Variants in CUX1 observed in about 807,000 individuals in gnomAD.
CUX1 encodes protein CASP.
CUX1 carries 31 observed loss-of-function variants against 158.8 expected under a neutral mutation model. That is an observed-to-expected ratio of 0.20 (90% CI 0.15 to 0.26). The LOEUF is 0.26. Ranked by LOEUF, CUX1 falls within the 10% of genes least tolerant of loss-of-function variation. The pLI is 1.00. For missense variants in CUX1, 1,589 were observed against 2,014.6 expected, an observed-to-expected ratio of 0.79 and a Z score of 4.04; for synonymous variants, 879 against 862.1, an observed-to-expected ratio of 1.02 and a Z score of -0.34.
intron 1 of CUX1, among the ~76,000 whole-genome samples, chr7:101,836,570 A>C (rs1287795021): frequency 1.3e-5 from 2 of 149,718 alleles, no homozygotes; most frequent in East Asian, 4.0e-4. Flanking sequence ...GGCCAGGCGC[A>C]GTGGCTCATG....
intron 18 of CUX1, among the ~76,000 whole-genome samples, chr7:102,278,662 T>TAAAATAAAATAAAATAAA (rs1791803529): frequency 3.2e-5 from 3 of 93,708 alleles, no homozygotes; most frequent in African/African-American, 1.1e-4. Context: ...AATAAAAAAA[T>TAAAATAAAATAAAATAAA]AAAATAAAAT....
chr7:102,223,099 T>C (rs1023108888), intron 20 of CUX1, among the ~76,000 whole-genome samples: 8 of 151,564 alleles, frequency 5.3e-5, no homozygotes, highest in Non-Finnish European at 1.5e-5. Flanking sequence ...CCACTGCGCC[T>C]GGCCAGGGCA....
chr7:102,001,407 G>A (rs1032624918), intron 2 of CUX1, among the ~76,000 whole-genome samples: 5 of 152,094 alleles, frequency 3.3e-5, no homozygotes, highest in Non-Finnish European at 7.4e-5. Flanking sequence ...GCAGTGGTAC[G>A]ATCTCAGCTC....
At chr7:101,819,699 G>A (rs1281152902) in intron 1 of CUX1, among the ~76,000 whole-genome samples, 1 of 152,132 alleles carries the variant, frequency 6.6e-6, no homozygotes, top group African/African-American at 2.4e-5. Flanking sequence ...TAATATGGGT[G>A]TCTTTGAGGT....
At chr7:101,964,401 C>T (rs1274167525) in intron 2 of CUX1, among the ~76,000 whole-genome samples, 2 of 152,178 alleles carry the variant, frequency 1.3e-5, no homozygotes, top group African/African-American at 4.8e-5. Flanking sequence ...GCCCAGGTTT[C>T]GTCACCAAAT....
intron 2 of CUX1, among the ~76,000 whole-genome samples, chr7:101,951,662 C>T (rs920244474): frequency 6.6e-6 from 1 of 152,160 alleles, no homozygotes; most frequent in Non-Finnish European, 1.5e-5. Context: ...TCCGCCACCA[C>T]ACCCTGGCTA....
At chr7:102,259,868 G>A (rs1790260845), downstream of CUX1, among the ~76,000 whole-genome samples, 1 of 152,034 alleles carries the variant, frequency 6.6e-6, no homozygotes, top group Non-Finnish European at 1.5e-5. Context: ...GGTCAAGGCA[G>A]GAGGATGGCT....
chr7:102,281,900 C>G (rs1334023216), exon 21 of CUX1: 1 of 1,612,722 alleles, frequency 6.2e-7, no homozygotes, highest in Admixed American at 1.7e-5. Context: ...CACACTGTTC[C>G]TGCACTGCCT....
chr7:102,244,428 C>T (rs111422144), intron 23 of CUX1, among the ~76,000 whole-genome samples: 1 of 152,050 alleles, frequency 6.6e-6, no homozygotes, highest in Non-Finnish European at 1.5e-5. Context: ...CAGGCTGGGC[C>T]GGGCACGGCC....
intron 4 of CUX1, among the ~76,000 whole-genome samples, chr7:102,083,250 AT>A (rs1164793210): frequency 1.4e-5 from 2 of 146,916 alleles, no homozygotes; most frequent in South Asian, 2.2e-4. Flanking sequence ...GATGCAGAAT[AT>A]TTTTTCATGT....
At chr7:102,095,189 T>C (rs150449215) in intron 4 of CUX1, among the ~76,000 whole-genome samples, 1 of 151,938 alleles carries the variant, frequency 6.6e-6, no homozygotes, top group African/African-American at 2.4e-5. Flanking sequence ...TGTTTTTGTT[T>C]TGTAGAGACA....
At chr7:102,088,874 G>T (rs1365590142) in intron 4 of CUX1, among the ~76,000 whole-genome samples, 1 of 152,112 alleles carries the variant, frequency 6.6e-6, no homozygotes, top group Non-Finnish European at 1.5e-5. Flanking sequence ...CATGGAGTTT[G>T]TAGAGTTTCT....
Position 101,937,151 on chromosome 7 carries a change from C to T in CUX1, c.141+20926C>T, listed in dbSNP as rs111593763. ...TGTTTGCATGTCTCTGTCTCTGTCA[C>T]AAAGTAGATGCCTGGGGAGTGTGTG... On this transcript the variant is annotated intron_variant, in intron 2 of 23. Coordinates refer to ENST00000292535, the MANE Select transcript of CUX1 (RefSeq NM_181552.4). Among the ~76,000 whole-genome samples, 72 of 152,312 alleles carry T rather than the reference C, an allele frequency of 4.7e-4. No homozygotes were observed. The South Asian group carries it at 0.014, about 29-fold the overall frequency.
chr7:101,836,729 A>C (rs1232765323), intron 1 of CUX1, among the ~76,000 whole-genome samples: 1 of 142,526 alleles, frequency 7.0e-6, no homozygotes, highest in Non-Finnish European at 1.5e-5. Flanking sequence ...TTCCTTCCCC[A>C]CGGCCAGTGG....
At chr7:101,848,542 G>A (rs112237853) in intron 1 of CUX1, among the ~76,000 whole-genome samples, 1 of 152,104 alleles carries the variant, frequency 6.6e-6, no homozygotes, top group Non-Finnish European at 1.5e-5. Context: ...GAGGGGACTA[G>A]GAATGTTTGA....
rs149124693 is a variant in CUX1 at position 102,282,726 on chromosome 7, G to A, written c.1917G>A (p.Leu639=). Residue 639 remains leucine, a synonymous_variant, in exon 22 of 23, where the codon CTG becomes CTA. Coordinates refer to the CUX1 transcript ENST00000292538. ...CACCTGGCCAGGTGCTCTACAAGCT[G>A]GCATGGAGCGAGAGCATGGAGAGGG... The A allele has an allele frequency of 4.7e-5, 76 of 1,613,448 alleles. No homozygotes were observed. The highest frequency in any genetic ancestry group is 5.8e-5 in the Non-Finnish European group (69 of 1,179,800).
In CUX1 at chr7:102,257,379, G is replaced by A; in HGVS notation, c.*8337G>A. ...CAAACCATCTTCTGCCTCTTCCCTTGAGAAAACGGGCATCTCACGTACCCC... is the reference window on the plus strand; with the variant it reads ...CAAACCATCTTCTGCCTCTTCCCTTAAGAAAACGGGCATCTCACGTACCCC... On this transcript the variant is annotated 3_prime_UTR_variant, in exon 24 of 24. Transcript: ENST00000292535. 3.3e-5 allele frequency: 32 copies of A among 982,326 alleles called. No homozygotes were observed. Among genetic ancestry groups the A allele is most frequent in the Non-Finnish European group, 3.6e-5 (30 of 829,528 alleles). The allele number at this position is 982,326 out of a possible 1,614,324, so 60.9% of individuals were successfully genotyped here. A position where few individuals can be genotyped will look rare whatever the true frequency, so the allele number is the denominator to read the frequency against.
intron 2 of CUX1, among the ~76,000 whole-genome samples, chr7:101,991,204 G>A (rs1177586674): frequency 6.6e-6 from 1 of 152,126 alleles, no homozygotes; most frequent in Non-Finnish European, 1.5e-5. Flanking sequence ...AAAGAAAAAG[G>A]CTGTCAAAAC....
chr7:102,249,814 T>G lies in CUX1; in HGVS notation c.*772T>G. On this transcript the variant is annotated 3_prime_UTR_variant, in exon 24 of 24. Transcript: ENST00000292535. ...CCTAAATATTTTCAAGAAAAGAATC[T>G]TCTCGTTTGAAACTTTGAATTAAAA... is the stretch of plus-strand genomic sequence containing the variant. 2 of 985,736 alleles carry G rather than the reference T, an allele frequency of 2.0e-6. No homozygotes were observed. The highest frequency in any genetic ancestry group is 2.4e-6 in the Non-Finnish European group (2 of 829,818). The allele number at this position is 985,736 out of a possible 1,614,324, so 61.1% of individuals were successfully genotyped here. A position where few individuals can be genotyped will look rare whatever the true frequency, so the allele number is the denominator to read the frequency against.
Sources: gnomAD v4.1 joint callset for allele counts (sites outside exome capture counted in the v4.1 genomes callset) on GRCh38, gnomAD v4.1.1 for gene constraint, MANE v1.5 for transcripts, NCBI Gene and HGNC (gene_info 2026-07-23, HGNC 2026-07-21) for gene names.